LPGAT1: variants seen among roughly 807,000 people sequenced by gnomAD.
The protein encoded by LPGAT1 is acyl-CoA:lysophosphatidylglycerol acyltransferase 1.
Under a neutral mutation model 47.5 loss-of-function variants are expected in LPGAT1, and 11 were observed. That is an observed-to-expected ratio of 0.23 (90% CI 0.15 to 0.38). LPGAT1 has a LOEUF of 0.38. LPGAT1 is among the 10% of genes least tolerant of loss of function. The pLI is 1.00. For missense variants in LPGAT1, 293 were observed against 439.0 expected, an observed-to-expected ratio of 0.67 and a Z score of 2.97; for synonymous variants, 138 against 144.2, an observed-to-expected ratio of 0.96 and a Z score of 0.31.
At chr1:211,815,611 G>A (rs1455630791) in intron 2 of LPGAT1, among the ~76,000 whole-genome samples, 3 of 151,974 alleles carry the variant, frequency 2.0e-5, no homozygotes, top group African/African-American at 4.8e-5. Context: ...CTCTTCGATG[G>A]TTTCCTCAAG....
chr1:211,753,184 C>T (rs72747049), intron 6 of LPGAT1, among the ~76,000 whole-genome samples: 12,727 of 152,190 alleles, frequency 0.084, 655 homozygotes, highest in Admixed American at 0.15. Flanking sequence ...ACTCCTAAAT[C>T]GAATAGAATG....
intron 4 of LPGAT1, among the ~76,000 whole-genome samples, chr1:211,785,104 GTTCT>G (rs1468427454): frequency 1.3e-5 from 2 of 151,970 alleles, no homozygotes; most frequent in African/African-American, 4.8e-5. Context: ...CGCCCAGCCG[GTTCT>G]TTCTTTCAGT....
At chr1:211,789,218 A>G (rs1659009656) in intron 3 of LPGAT1, among the ~76,000 whole-genome samples, 1 of 152,216 alleles carries the variant, frequency 6.6e-6, no homozygotes. Flanking sequence ...CAGTGTCCCC[A>G]AAACAAACAA....
At chr1:211,776,736 T>G (rs1306549592) in intron 6 of LPGAT1, among the ~76,000 whole-genome samples, 1 of 150,996 alleles carries the variant, frequency 6.6e-6, no homozygotes, top group Non-Finnish European at 1.5e-5. Context: ...GGAGAAATTA[T>G]GCTTAACTGC....
intron 2 of LPGAT1, among the ~76,000 whole-genome samples, chr1:211,827,591 C>T (rs1571775734): frequency 6.6e-6 from 1 of 152,102 alleles, no homozygotes; most frequent in Non-Finnish European, 1.5e-5. Flanking sequence ...GTATACTATA[C>T]AAGAATAAAG....
rs1321991816 is a variant in LPGAT1 at position 211,830,365 on chromosome 1, G to A, written c.-28+208C>T. 8.6e-7 allele frequency: 1 copy of A among 1,160,962 alleles called. No homozygotes were observed. The highest frequency in any genetic ancestry group is 1.1e-6 in the Non-Finnish European group (1 of 942,564). The allele number at this position is 1,160,962 out of a possible 1,614,324, so 71.9% of individuals were successfully genotyped here. On this transcript the variant is annotated intron_variant, in intron 1 of 7. Coordinates refer to ENST00000366997, the MANE Select transcript of LPGAT1 (RefSeq NM_014873.3). This position sits in a 1 kb window ranked among gnomAD's most constrained non-coding sequence, Gnocchi z 5.9. ...GAGGGACGGCGGGGACTCAGAGGCC[G>A]GACCTGTCACCCGGGCGGGTCCCGG...
chr1:211,752,618 C>G (rs77394561), intron 6 of LPGAT1, among the ~76,000 whole-genome samples: 1 of 152,166 alleles, frequency 6.6e-6, no homozygotes, highest in Non-Finnish European at 1.5e-5. Flanking sequence ...GTTACACCTT[C>G]GGTGGGGAAT....
rs28428862 is a variant in LPGAT1 at position 211,749,397 on chromosome 1, A to G, written c.*502T>C. 1,837 of 157,192 alleles carry G rather than the reference A, an allele frequency of 0.012. 92 individuals carry two copies. In the East Asian group the frequency reaches 0.17, roughly 14 times the overall value. The allele number at this position is 157,192 out of a possible 1,614,324, so 9.7% of individuals were successfully genotyped here. ...ACAGACTGGAGTTTGTTACTGCAAC[A>G]GACTGGAGTTTGTTACTGCAAACGA... On this transcript the variant is annotated 3_prime_UTR_variant, in exon 8 of 8. Coordinates refer to ENST00000366997, the MANE Select transcript of LPGAT1 (RefSeq NM_014873.3).
At chr1:211,828,513 A>C (rs1472537881) in intron 2 of LPGAT1, among the ~76,000 whole-genome samples, 5 of 152,242 alleles carry the variant, frequency 3.3e-5, no homozygotes, top group African/African-American at 1.2e-4. Context: ...TTTTATATTT[A>C]ATACTCTCAG....
chr1:211,779,222 T>C (rs1044795276), intron 5 of LPGAT1, among the ~76,000 whole-genome samples, 178 bp from the exon 6 acceptor site: 1 of 152,220 alleles, frequency 6.6e-6, no homozygotes, highest in African/African-American at 2.4e-5. Context: ...AATTAAGGAT[T>C]ACTTATGTTA....
Position 211,830,718 on chromosome 1 carries a change from G to A in LPGAT1, c.-173C>T, listed in dbSNP as rs1159221404. 8.5e-7 allele frequency: 1 copy of A among 1,181,612 alleles called. No homozygotes were observed. Among genetic ancestry groups the A allele is most frequent in the Non-Finnish European group, 1.0e-6 (1 of 955,658 alleles). 73.2% of individuals were successfully genotyped at this position (1,181,612 alleles called of 1,614,324 possible). On this transcript the variant is annotated 5_prime_UTR_variant, in exon 1 of 8. Coordinates refer to ENST00000366997, the MANE Select transcript of LPGAT1 (RefSeq NM_014873.3). The surrounding 1 kb of genome is among the most constrained non-coding windows in gnomAD (Gnocchi z 5.9). ...CGCGGCCCGCGCCCGTTCCCCGGCG[G>A]CGCCGAGACTCGGTCCCCAAGGGCC...
intron 6 of LPGAT1, among the ~76,000 whole-genome samples, chr1:211,761,032 C>T (rs1657677583): frequency 2.0e-5 from 3 of 152,160 alleles, no homozygotes; most frequent in South Asian, 2.1e-4. Flanking sequence ...GCCTATGTAG[C>T]GCTTTTTTAA....
chr1:211,757,256 A>G (rs1299453389), intron 6 of LPGAT1, among the ~76,000 whole-genome samples: 1 of 147,686 alleles, frequency 6.8e-6, no homozygotes, highest in Non-Finnish European at 1.5e-5. Flanking sequence ...TTCTGTCTCA[A>G]AAAAAAAAAA....
intron 6 of LPGAT1, among the ~76,000 whole-genome samples, chr1:211,753,182 A>G (rs1657277328): frequency 6.6e-6 from 1 of 152,172 alleles, no homozygotes; most frequent in Non-Finnish European, 1.5e-5. Context: ...GCACTCCTAA[A>G]TCGAATAGAA....
chr1:211,806,457 G>A (rs1192157169), intron 2 of LPGAT1, among the ~76,000 whole-genome samples: 1 of 151,990 alleles, frequency 6.6e-6, no homozygotes, highest in Non-Finnish European at 1.5e-5. Flanking sequence ...ACTTATAAGT[G>A]GGACCTAAAC....
intron 6 of LPGAT1, among the ~76,000 whole-genome samples, chr1:211,773,081 C>A (rs1352324474): frequency 6.6e-6 from 1 of 152,032 alleles, no homozygotes; most frequent in African/African-American, 2.4e-5. Flanking sequence ...TATGTATGTG[C>A]CCAGCCATGG....
intron 2 of LPGAT1, among the ~76,000 whole-genome samples, chr1:211,822,285 T>C (rs567023726): frequency 6.6e-6 from 1 of 152,310 alleles, no homozygotes; most frequent in Admixed American, 6.5e-5. Context: ...AAATAAATTA[T>C]TCAATTATAA....
At chr1:211,808,480 T>C (rs1456787533) in intron 2 of LPGAT1, among the ~76,000 whole-genome samples, 4 of 152,120 alleles carry the variant, frequency 2.6e-5, no homozygotes, top group Non-Finnish European at 5.9e-5. Flanking sequence ...GAAAAGATGT[T>C]CAACATCATT....
chr1:211,795,902 C>T (rs879764860), intron 2 of LPGAT1, among the ~76,000 whole-genome samples: 1 of 152,012 alleles, frequency 6.6e-6, no homozygotes, highest in South Asian at 2.1e-4. Flanking sequence ...CTAAAGTGAA[C>T]AGCAGTTAAA....
Sources: allele counts gnomAD v4.1 joint callset (sites outside exome capture counted in the v4.1 genomes callset), GRCh38; gene constraint gnomAD v4.1.1; non-coding constraint Gnocchi (gnomAD v3.1); transcripts MANE v1.5; gene names NCBI Gene and HGNC (gene_info 2026-07-23, HGNC 2026-07-21).